APBB1IP: variants seen among roughly 807,000 people sequenced by gnomAD.
The protein encoded by APBB1IP is amyloid beta precursor protein binding family B member 1 interacting protein.
A neutral mutation model predicts 64.9 loss-of-function variants in APBB1IP; 27 were observed. The observed-to-expected ratio is 0.42, with a 90% confidence interval of 0.31 to 0.57. The LOEUF (loss-of-function observed/expected upper bound fraction) is 0.57, where lower values mean the gene tolerates loss of function less well. Ranked by LOEUF, APBB1IP falls within the 20% of genes least tolerant of loss-of-function variation. The probability of loss-of-function intolerance (pLI) is 0.20; values close to 1 mark genes in which losing one functional copy is unlikely to be tolerated. For synonymous variants in APBB1IP, 392 were observed against 331.0 expected (o/e 1.18, Z -2.00); for missense variants, 812 against 845.5 (o/e 0.96, Z 0.49).
intron 6 of APBB1IP, among the ~76,000 whole-genome samples, chr10:26,505,294 C>T (rs527897771): frequency 6.6e-6 from 1 of 152,216 alleles, no homozygotes; most frequent in Non-Finnish European, 1.5e-5. Context: ...GGAGTCTTCC[C>T]AGATTAGTCT....
chr10:26,512,025 T>A, intron 7 of APBB1IP, 119 bp downstream of exon 7: 1 of 1,168,082 alleles, frequency 8.6e-7, no homozygotes, highest in Non-Finnish European at 1.2e-6. Flanking sequence ...ACACATGCTC[T>A]CACTATGCTG....
intron 11 of APBB1IP, among the ~76,000 whole-genome samples, chr10:26,543,405 T>C (rs1836721804): frequency 6.7e-6 from 1 of 148,812 alleles, no homozygotes; most frequent in Admixed American, 6.8e-5. Flanking sequence ...AGGCGGAGGT[T>C]GCAGTGAGCC....
intron 4 of APBB1IP, among the ~76,000 whole-genome samples, chr10:26,498,447 T>C (rs1370769619): frequency 6.6e-6 from 1 of 152,106 alleles, no homozygotes; most frequent in Admixed American, 6.6e-5. Context: ...AGGCGGAGGT[T>C]GCAGTGAGCC....
chr10:26,536,548 A>T (rs1314971414), intron 10 of APBB1IP, among the ~76,000 whole-genome samples: 1 of 150,316 alleles, frequency 6.7e-6, no homozygotes, highest in East Asian at 1.9e-4. Flanking sequence ...AATTTCTTTT[A>T]TCTGGAATCA....
At chr10:26,491,044 C>T (rs12267406) in intron 2 of APBB1IP, among the ~76,000 whole-genome samples, 7,316 of 152,022 alleles carry the variant, frequency 0.048, 580 homozygotes, top group African/African-American at 0.16. Context: ...TTTGGGAAGT[C>T]GAGGCGAGTG....
rs1418853666 is a variant in APBB1IP at position 26,470,415 on chromosome 10, T to A, written c.1-21912T>A. Among the ~76,000 whole-genome samples, 3 of 152,094 alleles carry A rather than the reference T, an allele frequency of 2.0e-5. No individual in the cohort carries two copies. The East Asian group carries it at 5.8e-4, about 29-fold the overall frequency. ...TTAGCCGGATGTGGAGGCAGGCGCC[T>A]GTAATCCCAGCTACTAGGGAGGCTG... On this transcript the variant is annotated intron_variant, in intron 2 of 14. Coordinates refer to ENST00000376236, the MANE Select transcript of APBB1IP (RefSeq NM_019043.4).
At chr10:26,503,532 G>A (rs1836133020) in intron 6 of APBB1IP, among the ~76,000 whole-genome samples, 1 of 152,112 alleles carries the variant, frequency 6.6e-6, no homozygotes, top group African/African-American at 2.4e-5. Flanking sequence ...CTACTCGGGA[G>A]GCTGAGGAAG....
At chr10:26,484,450 G>A (rs1295803054) in intron 2 of APBB1IP, among the ~76,000 whole-genome samples, 1 of 152,000 alleles carries the variant, frequency 6.6e-6, no homozygotes, top group African/African-American at 2.4e-5. Context: ...TTATAGGTGC[G>A]CACCACCACG....
At chr10:26,553,210 C>T (rs1325246244) in intron 11 of APBB1IP, among the ~76,000 whole-genome samples, 1 of 151,950 alleles carries the variant, frequency 6.6e-6, no homozygotes, top group African/African-American at 2.4e-5. Flanking sequence ...TTAGTAGAGA[C>T]AGGGTTTCAC....
chr10:26,443,880 T>C (rs1175810453), intron 2 of APBB1IP, among the ~76,000 whole-genome samples: 2 of 152,172 alleles, frequency 1.3e-5, no homozygotes, highest in Non-Finnish European at 2.9e-5. Flanking sequence ...CAGTCAAAAA[T>C]GTTTGCTAAG....
chr10:26,541,588 C>G lies in APBB1IP; in HGVS notation c.1051C>G (p.Arg351Gly). 6.2e-7 allele frequency: 1 copy of G among 1,607,542 alleles called. No individual in the cohort carries two copies. The highest frequency in any genetic ancestry group is 8.5e-7 in the Non-Finnish European group (1 of 1,176,794). Residue 351 changes from arginine to glycine, a missense_variant, in exon 11 of 15, where the codon CGA becomes GGA. Physicochemically the swap from Arg to Gly is moderately radical, Grantham distance 125. This residue lies in a region of APBB1IP where 394 missense variants were observed against 413.1 expected (regional missense o/e 0.95). Transcript: ENST00000376236. Reference protein sequence around the residue: ...YVPKGKTKTSRDLACFIQFEN... With the variant: ...YVPKGKTKTSGDLACFIQFEN... Reference sequence around the variant, plus strand: ...TTTTTTCCCTGTCTTTCAGACATCTCGAGATCTGGCGTGTTTTATACAGTT... The same window carrying G: ...TTTTTTCCCTGTCTTTCAGACATCTGGAGATCTGGCGTGTTTTATACAGTT...
intron 8 of APBB1IP, among the ~76,000 whole-genome samples, chr10:26,514,035 A>G (rs1050908885): frequency 2.6e-5 from 4 of 152,266 alleles, no homozygotes; most frequent in African/African-American, 9.6e-5. Flanking sequence ...CGCCCAGCCA[A>G]GGATTTTTTT....
At chr10:26,544,680 C>T (rs945795503) in intron 11 of APBB1IP, among the ~76,000 whole-genome samples, 1 of 152,156 alleles carries the variant, frequency 6.6e-6, no homozygotes, top group African/African-American at 2.4e-5. Flanking sequence ...AGGTTCCCAG[C>T]ATGGGGATTT....
At chr10:26,470,510 G>C (rs1247532245) in intron 2 of APBB1IP, among the ~76,000 whole-genome samples, 2 of 152,200 alleles carry the variant, frequency 1.3e-5, no homozygotes, top group Non-Finnish European at 2.9e-5. Context: ...CTGTACTCCA[G>C]CCTAGGCGAC....
intron 8 of APBB1IP, among the ~76,000 whole-genome samples, chr10:26,524,959 T>C (rs796446257): frequency 1.2e-4 from 12 of 98,436 alleles, no homozygotes; most frequent in East Asian, 2.9e-4. Context: ...TTCTTTCTTT[T>C]TTTTTTTTTT....
intron 8 of APBB1IP, among the ~76,000 whole-genome samples, chr10:26,520,506 T>TAAAA (rs1258343963): frequency 2.0e-5 from 3 of 152,254 alleles, no homozygotes. Context: ...TTAACAGACG[T>TAAAA]CTTTTACAAA....
chr10:26,444,822 T>A (rs191119249), intron 2 of APBB1IP, among the ~76,000 whole-genome samples: 8 of 152,200 alleles, frequency 5.3e-5, no homozygotes, highest in Admixed American at 4.6e-4. Flanking sequence ...GGACATAGGC[T>A]GCGTGGTGGC....
intron 2 of APBB1IP, among the ~76,000 whole-genome samples, chr10:26,441,117 A>T (rs1172647292): frequency 1.3e-5 from 2 of 152,154 alleles, no homozygotes; most frequent in Non-Finnish European, 2.9e-5. Context: ...TTAACACAAC[A>T]GGTATCTTCT....
chr10:26,555,275 G>A (rs1836881263), intron 11 of APBB1IP, among the ~76,000 whole-genome samples: 1 of 152,058 alleles, frequency 6.6e-6, no homozygotes, highest in South Asian at 2.1e-4. Flanking sequence ...CACTGCCCAG[G>A]GGATCATGTC....
Sources: allele counts gnomAD v4.1 joint callset (sites outside exome capture counted in the v4.1 genomes callset), GRCh38; gene constraint gnomAD v4.1.1; regional missense constraint gnomAD v4.1.1; transcripts MANE v1.5; gene names NCBI Gene and HGNC (gene_info 2026-07-23, HGNC 2026-07-21).